Variants in FSHR observed in about 807,000 individuals in gnomAD.
The protein encoded by FSHR is follicle-stimulating hormone receptor.
Under a neutral mutation model 52.1 loss-of-function variants are expected in FSHR, and 46 were observed. The ratio of observed to expected loss-of-function variants is 0.88; its 90% CI spans 0.70 to 1.13. FSHR has a LOEUF of 1.13. FSHR is among the 50% of genes most tolerant of loss of function. The probability of loss-of-function intolerance (pLI) is 0.00; values close to 1 mark genes in which losing one functional copy is unlikely to be tolerated. For synonymous variants in FSHR, 399 were observed against 309.6 expected (o/e 1.29, Z -3.03); for missense variants, 964 against 834.6 (o/e 1.16, Z -1.91).
At chr2:49,146,257 A>G (rs1672865641) in intron 1 of FSHR, among the ~76,000 whole-genome samples, 1 of 152,086 alleles carries the variant, frequency 6.6e-6, no homozygotes, top group Non-Finnish European at 1.5e-5. Context: ...CTTATGAACC[A>G]ACATTTTGTA....
intron 1 of FSHR, among the ~76,000 whole-genome samples, chr2:49,123,304 T>C (rs1405546103): frequency 6.6e-6 from 1 of 152,074 alleles, no homozygotes; most frequent in Non-Finnish European, 1.5e-5. Context: ...CTGGGCAACA[T>C]GGCAAAACCC....
intron 2 of FSHR, among the ~76,000 whole-genome samples, chr2:49,042,011 G>T (rs968909850): frequency 2.6e-5 from 4 of 152,108 alleles, no homozygotes; most frequent in Non-Finnish European, 4.4e-5. Context: ...GTGTGCGGTG[G>T]TGTGGGCCTG....
intron 1 of FSHR, among the ~76,000 whole-genome samples, chr2:49,072,494 A>G (rs11125207): frequency 0.14 from 21,687 of 152,180 alleles, 1,556 homozygotes; most frequent in Middle Eastern, 0.2. Context: ...GAAAAATAGA[A>G]TTGTGGAAAC....
At chr2:48,990,677 G>C (rs1675729591) in intron 4 of FSHR, 40 bp from the exon 5 acceptor site, 2 of 1,230,406 alleles carry the variant, frequency 1.6e-6, no homozygotes, top group Admixed American at 3.4e-5. Flanking sequence ...AAATGAAACT[G>C]GCTGTTTAAA....
At position 49,044,655 on chromosome 2, in the gene FSHR, C is replaced by G. The variant is rs570295692; in HGVS notation, c.224+23564G>C. On this transcript the variant is annotated intron_variant, in intron 2 of 9. Transcript: ENST00000406846. ...AAAGAAAGTCTGTTTCCCCCATCCC[C>G]CTCCCCCAGCACTCTTACTGCCTGC... Among the ~76,000 whole-genome samples the G allele has an allele frequency of 2.4e-3, 364 of 152,198 alleles. 3 individuals are homozygous for G. The highest frequency in any genetic ancestry group is 8.2e-3 in the African/African-American group (340 of 41,534).
chr2:48,985,967 C>A (rs1675492188), intron 6 of FSHR, among the ~76,000 whole-genome samples: 1 of 152,136 alleles, frequency 6.6e-6, no homozygotes, highest in Admixed American at 6.5e-5. Flanking sequence ...CCCGCCTCGG[C>A]CTCCCAAAGT....
intron 4 of FSHR, among the ~76,000 whole-genome samples, chr2:49,008,902 A>C (rs1243351156): frequency 4.6e-5 from 7 of 151,370 alleles, no homozygotes; most frequent in Admixed American, 4.6e-4. Flanking sequence ...AATTTGTTTG[A>C]GTTCATTGTA....
intron 2 of FSHR, among the ~76,000 whole-genome samples, chr2:49,048,618 A>G (rs1218670612): frequency 6.6e-6 from 1 of 152,210 alleles, no homozygotes; most frequent in East Asian, 1.9e-4. Flanking sequence ...GGCATAAACA[A>G]TTGCTATCTC....
chr2:49,065,637 T>G (rs1669475290), intron 2 of FSHR, among the ~76,000 whole-genome samples: 1 of 152,108 alleles, frequency 6.6e-6, no homozygotes, highest in South Asian at 2.1e-4. Context: ...TAGGCATCTT[T>G]CCAATTCAAA....
At chr2:49,087,885 TGA>T (rs1309556833) in intron 1 of FSHR, among the ~76,000 whole-genome samples, 1 of 152,172 alleles carries the variant, frequency 6.6e-6, no homozygotes, top group Non-Finnish European at 1.5e-5. Context: ...TTAATTATAT[TGA>T]GAGAGAGATA....
At chr2:49,070,632 T>G (rs1490546459) in intron 1 of FSHR, among the ~76,000 whole-genome samples, 1 of 152,178 alleles carries the variant, frequency 6.6e-6, no homozygotes, top group Non-Finnish European at 1.5e-5. Flanking sequence ...TTTAATAATG[T>G]CAACTACAAA....
intron 9 of FSHR, among the ~76,000 whole-genome samples, chr2:48,965,368 T>C (rs574264035): frequency 2.0e-5 from 3 of 152,244 alleles, no homozygotes; most frequent in East Asian, 3.9e-4. Context: ...AGGGATTCTT[T>C]TTGTTTGTTT....
intron 8 of FSHR, among the ~76,000 whole-genome samples, chr2:48,980,507 A>G (rs969145120): frequency 3.9e-5 from 6 of 152,276 alleles, no homozygotes; most frequent in Non-Finnish European, 5.9e-5. Flanking sequence ...ATTGTGCAGT[A>G]TCTTCGCCTG....
At chr2:49,121,431 C>G (rs1048802104) in intron 1 of FSHR, among the ~76,000 whole-genome samples, 1 of 152,168 alleles carries the variant, frequency 6.6e-6, no homozygotes, top group Non-Finnish European at 1.5e-5. Context: ...TAAAAGAGCT[C>G]TCAGGAACAG....
intron 1 of FSHR, among the ~76,000 whole-genome samples, chr2:49,093,499 C>A (rs1042789591): frequency 6.6e-6 from 1 of 152,066 alleles, no homozygotes; most frequent in Non-Finnish European, 1.5e-5. Context: ...ATTAATATAG[C>A]CACTACAGCT....
intron 2 of FSHR, among the ~76,000 whole-genome samples, chr2:49,046,945 T>C (rs1489145275): frequency 6.6e-6 from 1 of 152,152 alleles, no homozygotes. Flanking sequence ...GTCACAGTCT[T>C]TTACTCTGTG....
intron 8 of FSHR, among the ~76,000 whole-genome samples, chr2:48,974,022 G>GACTCAGC (rs1225794507): frequency 6.8e-6 from 1 of 147,348 alleles, no homozygotes; most frequent in East Asian, 1.9e-4. Flanking sequence ...AAGCAGACAT[G>GACTCAGC]ACTCAGCATT....
In FSHR at chr2:48,963,162, G is replaced by T. The variant is rs766158543; in HGVS notation, c.1659C>A (p.Tyr553Ter). The T allele has an allele frequency of 3.7e-6, 6 of 1,614,038 alleles. No homozygotes were observed. Among genetic ancestry groups the T allele is most frequent in the African/African-American group, 1.3e-5 (1 of 74,922 alleles). Residue 553 changes from tyrosine to a stop codon, truncating the protein, a stop_gained, in exon 10 of 10, where the codon TAC (tyrosine) becomes TAA (stop). Coordinates refer to ENST00000406846, the MANE Select transcript of FSHR (RefSeq NM_000145.4). LOFTEE classifies it high-confidence loss of function. ...CGATGTTGGGGTTCCGCACTGTGAG[G>T]TAGATGTGGATATAGCAGCCACAGA... ...VVICGCYIHI[Y>*]LTVRNPNIVS...
intron 4 of FSHR, among the ~76,000 whole-genome samples, chr2:48,992,268 C>T (rs759265999): frequency 6.6e-6 from 1 of 152,170 alleles, no homozygotes; most frequent in African/African-American, 2.4e-5. Context: ...TAACCACGAG[C>T]ACAATACAGA....
Sources: allele counts gnomAD v4.1 joint callset (sites outside exome capture counted in the v4.1 genomes callset), GRCh38; gene constraint gnomAD v4.1.1; transcripts MANE v1.5; gene names NCBI Gene and HGNC (gene_info 2026-07-23, HGNC 2026-07-21).